The following SLC35F3 variants were observed in gnomAD, a reference collection of about 807,000 sequenced individuals.
SLC35F3 encodes putative thiamine transporter SLC35F3.
Under a neutral mutation model 49.9 loss-of-function variants are expected in SLC35F3, and 25 were observed. The ratio of observed to expected loss-of-function variants is 0.50; its 90% CI spans 0.37 to 0.70. The LOEUF (loss-of-function observed/expected upper bound fraction) is 0.70. Among genes scored for constraint, SLC35F3 ranks in the 30% least tolerant of loss-of-function variants. The pLI, the probability that SLC35F3 is intolerant of heterozygous loss-of-function variation, is 0.00. For missense variants in SLC35F3, 525 were observed against 639.8 expected (o/e 0.82, Z 1.94); for synonymous variants, 275 against 265.4 (o/e 1.04, Z -0.35).
intron 3 of SLC35F3, among the ~76,000 whole-genome samples, chr1:234,267,298 A>G (rs1266412265): frequency 1.5e-5 from 2 of 131,478 alleles, no homozygotes; most frequent in Non-Finnish European, 3.2e-5. Flanking sequence ...AGACCCGGCA[A>G]CCATCCGATT....
chr1:234,028,707 G>T (rs567866248), intron 2 of SLC35F3, among the ~76,000 whole-genome samples: 9 of 152,198 alleles, frequency 5.9e-5, no homozygotes, highest in African/African-American at 1.9e-4. Context: ...GAGGTAACTG[G>T]CAAAGCTACA....
chr1:233,975,716 C>T lies in SLC35F3; in HGVS notation c.283+69958C>T, dbSNP rs943537058. Among the ~76,000 whole-genome samples, 6 of 152,120 alleles carry T rather than the reference C, an allele frequency of 3.9e-5. 1 individual carries two copies. Among genetic ancestry groups the T allele is most frequent in the Admixed American group, 3.3e-4 (5 of 15,272 alleles). On this transcript the variant is annotated intron_variant, in intron 2 of 7. Transcript: ENST00000366618. ...AGTGGCTGGGAGCTGCTGCCCAGGGCGACATGCGTCGGCCAGCACCCAGAG... is the reference window on the plus strand; with the variant it reads ...AGTGGCTGGGAGCTGCTGCCCAGGGTGACATGCGTCGGCCAGCACCCAGAG...
rs146346705 is a variant in SLC35F3, at chr1:234,141,993, G to A, written c.284-89424G>A. On this transcript the variant is annotated intron_variant, in intron 2 of 7. Transcript: ENST00000366618. The stretch of plus-strand genomic sequence containing the variant: ...TGTCCCCCATTAGATGCAGCGAAGC[G>A]TGCATCTCTCTTCTTCACCACTGTC... Among the ~76,000 whole-genome samples, 436 of 152,254 alleles carry A rather than the reference G, an allele frequency of 2.9e-3. 1 individual carries two copies. Among genetic ancestry groups the A allele is most frequent in the Middle Eastern group, 0.027 (8 of 294 alleles).
chr1:234,154,453 A>G (rs952461250), intron 2 of SLC35F3, among the ~76,000 whole-genome samples: 6 of 152,238 alleles, frequency 3.9e-5, no homozygotes, highest in Admixed American at 3.3e-4. Flanking sequence ...AGCAGTGAGC[A>G]TTCCTCACCC....
At chr1:234,084,907 G>T (rs149780158) in intron 2 of SLC35F3, among the ~76,000 whole-genome samples, 64 of 152,264 alleles carry the variant, frequency 4.2e-4, no homozygotes, top group African/African-American at 1.4e-3. Context: ...ATTAGAAGTG[G>T]ATATTCTGCA....
At chr1:234,267,496 CCGGG>C (rs1434061806) in intron 3 of SLC35F3, among the ~76,000 whole-genome samples, 2 of 147,546 alleles carry the variant, frequency 1.4e-5, no homozygotes, top group Non-Finnish European at 3.0e-5. Flanking sequence ...GGGCGGCTGG[CCGGG>C]CGGGGGGCTG....
At chr1:233,993,341 C>T (rs748191164) in intron 2 of SLC35F3, among the ~76,000 whole-genome samples, 1 of 152,098 alleles carries the variant, frequency 6.6e-6, no homozygotes, top group Non-Finnish European at 1.5e-5. Context: ...GGAAGTAGAA[C>T]TCACCCTTGG....
intron 2 of SLC35F3, among the ~76,000 whole-genome samples, chr1:234,188,771 A>G (rs1047281024): frequency 3.9e-5 from 6 of 152,072 alleles, no homozygotes; most frequent in African/African-American, 1.4e-4. Context: ...CAACAATAAT[A>G]TAATTAAGGA....
chr1:234,240,857 C>T (rs1247610183), intron 3 of SLC35F3, among the ~76,000 whole-genome samples: 6 of 152,074 alleles, frequency 3.9e-5, no homozygotes, highest in African/African-American at 1.4e-4. Context: ...GAGGAAGGAG[C>T]CTTTCTTGGC....
At chr1:234,034,125 AG>A (rs1664105782) in intron 2 of SLC35F3, among the ~76,000 whole-genome samples, 1 of 152,180 alleles carries the variant, frequency 6.6e-6, no homozygotes, top group Non-Finnish European at 1.5e-5. Flanking sequence ...CTGTAATAAA[AG>A]GGGTTGAGTT....
At chr1:234,155,555 G>A (rs867755276) in intron 2 of SLC35F3, among the ~76,000 whole-genome samples, 7 of 152,014 alleles carry the variant, frequency 4.6e-5, no homozygotes, top group South Asian at 2.1e-4. Flanking sequence ...GACTACAGGC[G>A]TGCCTTAAAA....
intron 3 of SLC35F3, among the ~76,000 whole-genome samples, chr1:234,264,469 G>C (rs1268311510): frequency 6.6e-6 from 1 of 152,198 alleles, no homozygotes; most frequent in African/African-American, 2.4e-5. Flanking sequence ...CACCACTATG[G>C]ATGAGCTCTT....
rs368892055 is a variant in SLC35F3 at position 234,287,028 on chromosome 1, A to G, written c.609-22073A>G. On this transcript the variant is annotated intron_variant, in intron 3 of 7. Coordinates refer to ENST00000366618, the MANE Select transcript of SLC35F3 (RefSeq NM_173508.4). ...CCAGCCTACAAAAGTTAAAGTTTCTACAAAAAGTTAAAATTAAAAAATTAG... is the reference window on the plus strand; with the variant it reads ...CCAGCCTACAAAAGTTAAAGTTTCTGCAAAAAGTTAAAATTAAAAAATTAG... 2.9e-3 allele frequency among the ~76,000 whole-genome samples: 437 copies of G among 152,174 alleles called. 3 individuals are homozygous for G. The highest frequency in any genetic ancestry group is 1.0e-2 in the African/African-American group (415 of 41,510).
intron 2 of SLC35F3, among the ~76,000 whole-genome samples, chr1:234,043,192 T>G (rs991571227): frequency 6.6e-6 from 1 of 152,186 alleles, no homozygotes; most frequent in Non-Finnish European, 1.5e-5. Flanking sequence ...AGAGTGACCT[T>G]ACACTTGATG....
intron 2 of SLC35F3, among the ~76,000 whole-genome samples, chr1:233,982,700 T>TTTTG (rs1234485880): frequency 1.3e-5 from 2 of 152,186 alleles, no homozygotes; most frequent in South Asian, 2.1e-4. Flanking sequence ...CACATCTTTT[T>TTTTG]TTTGTTTGTT....
At chr1:233,952,385 AG>A (rs1662622706) in intron 2 of SLC35F3, among the ~76,000 whole-genome samples, 1 of 152,142 alleles carries the variant, frequency 6.6e-6, no homozygotes, top group Non-Finnish European at 1.5e-5. Flanking sequence ...GCTGGGGTTG[AG>A]GTGGGTGTGG....
chr1:233,962,898 C>G (rs1335843939), intron 2 of SLC35F3, among the ~76,000 whole-genome samples: 4 of 152,210 alleles, frequency 2.6e-5, no homozygotes, highest in African/African-American at 4.8e-5. Context: ...AATCCTCACT[C>G]TTTGCACGGA....
At chr1:233,945,808 T>C (rs1049567781) in intron 2 of SLC35F3, among the ~76,000 whole-genome samples, 1 of 152,218 alleles carries the variant, frequency 6.6e-6, no homozygotes, top group African/African-American at 2.4e-5. Context: ...TGCTTCTCAT[T>C]CACCTTCGAC....
Position 234,302,030 on chromosome 1 carries a change from G to C in SLC35F3, c.609-7071G>C, listed in dbSNP as rs184490348. On this transcript the variant is annotated intron_variant, in intron 3 of 7. Transcript: ENST00000366618. ...CAGAGAGGGGAACAACACACACCAGGGCCTGTTGAAGGATGAGGGATGAGG... is the reference window on the plus strand; with the variant it reads ...CAGAGAGGGGAACAACACACACCAGCGCCTGTTGAAGGATGAGGGATGAGG... Among the ~76,000 whole-genome samples the C allele has an allele frequency of 3.4e-4, 52 of 152,188 alleles. No homozygotes were observed. In the East Asian group the frequency reaches 3.9e-3, roughly 11 times the overall value.
Sources: allele counts gnomAD v4.1 joint callset (sites outside exome capture counted in the v4.1 genomes callset), GRCh38; gene constraint gnomAD v4.1.1; transcripts MANE v1.5; gene names NCBI Gene and HGNC (gene_info 2026-07-23, HGNC 2026-07-21).